TNC: variants seen among roughly 807,000 people sequenced by gnomAD.
TNC encodes the protein tenascin.
In TNC, 109 loss-of-function variants were observed where a neutral mutation model predicts 202.4. The ratio of observed to expected loss-of-function variants is 0.54; its 90% CI spans 0.46 to 0.63. TNC has a LOEUF of 0.63. Among genes scored for constraint, TNC ranks in the 30% least tolerant of loss-of-function variants. The pLI, the probability that TNC is intolerant of heterozygous loss-of-function variation, is 0.00. For missense variants in TNC, 2,756 were observed against 2,833.3 expected (o/e 0.97, Z 0.62); for synonymous variants, 1,007 against 1,089.7 (o/e 0.92, Z 1.50).
Position 115,076,593 on chromosome 9 carries a change from C to G in TNC, c.2675-18G>C. ...ATCGAGGCCTGTTTGAGAGAAGGAA[C>G]ATTTGTATTGAACATATCAGTCACA... On this transcript the variant is annotated intron_variant, in intron 7 of 27. Coordinates refer to ENST00000350763, the MANE Select transcript of TNC (RefSeq NM_002160.4). The G allele has an allele frequency of 4.3e-6, 7 of 1,613,042 alleles. No individual in the cohort carries two copies. The highest frequency in any genetic ancestry group is 5.9e-6 in the Non-Finnish European group (7 of 1,179,412).
chr9:115,035,885 G>C (rs916521577), intron 21 of TNC: 1 of 537,314 alleles, frequency 1.9e-6, no homozygotes, highest in African/African-American at 1.9e-5. Flanking sequence ...CCTTCCCCGT[G>C]GGGAGACCAA....
Position 115,084,405 on chromosome 9 carries a change from ATTGT to A in TNC, c.1931_1934del (p.Asp644ValfsTer74). The A allele has an allele frequency of 1.2e-6, 2 of 1,612,528 alleles. No individual in the cohort carries two copies. Among genetic ancestry groups the A allele is most frequent in the Non-Finnish European group, 1.7e-6 (2 of 1,178,670 alleles). On this transcript the variant is annotated frameshift_variant, in exon 4 of 28. Transcript: ENST00000350763. LOFTEE classifies it high-confidence loss of function. The stretch of plus-strand genomic sequence containing the variant: ...CAAGGTACTCTGTGACCCGCATCTC[ATTGT>A]CCCAGGCCAGGTTGACCGTCTCTTC...
chr9:115,066,987 C>T (rs192408658), intron 10 of TNC, among the ~76,000 whole-genome samples: 5 of 152,158 alleles, frequency 3.3e-5, no homozygotes, highest in African/African-American at 7.2e-5. Context: ...TCTTTAACCC[C>T]GACTCATATC....
intron 10 of TNC, among the ~76,000 whole-genome samples, chr9:115,069,362 G>C (rs1206060360): frequency 6.6e-6 from 1 of 151,874 alleles, no homozygotes; most frequent in Non-Finnish European, 1.5e-5. Context: ...CTTAAGCAGG[G>C]TTTAGTTGGG....
chr9:115,038,538 CT>C (rs1166882360), intron 19 of TNC, among the ~76,000 whole-genome samples, 158 bp from the exon 20 acceptor site: 2 of 152,202 alleles, frequency 1.3e-5, no homozygotes, highest in Non-Finnish European at 2.9e-5. Flanking sequence ...CCTGACCTGG[CT>C]TTGAGTAATG....
chr9:115,110,336 C>T (rs1170764300), intron 1 of TNC, among the ~76,000 whole-genome samples: 1 of 152,040 alleles, frequency 6.6e-6, no homozygotes, highest in Admixed American at 6.5e-5. Flanking sequence ...GACTTTTTTG[C>T]AGGCAGAAGA....
At chr9:115,104,489 C>T (rs937916669) in intron 1 of TNC, among the ~76,000 whole-genome samples, 2 of 152,166 alleles carry the variant, frequency 1.3e-5, no homozygotes, top group African/African-American at 4.8e-5. Context: ...GGGGCATTGC[C>T]TTTAGAGTCA....
intron 1 of TNC, among the ~76,000 whole-genome samples, chr9:115,112,178 T>G (rs1174152085): frequency 6.6e-6 from 1 of 152,224 alleles, no homozygotes; most frequent in Non-Finnish European, 1.5e-5. Context: ...CTTTTAAGAT[T>G]GTCCCTGGCT....
intron 20 of TNC, among the ~76,000 whole-genome samples, chr9:115,036,608 A>G (rs1275606195): frequency 1.3e-5 from 2 of 152,062 alleles, no homozygotes; most frequent in African/African-American, 4.8e-5. Flanking sequence ...ATTTGTCCTG[A>G]TGCATGCTCT....
chr9:115,072,616 C>T (rs1478378372), intron 10 of TNC, among the ~76,000 whole-genome samples: 2 of 152,152 alleles, frequency 1.3e-5, no homozygotes, highest in African/African-American at 4.8e-5. Flanking sequence ...CTCTTTTTCT[C>T]GAGTTCTGTC....
chr9:115,100,832 C>T (rs934585721), intron 1 of TNC, among the ~76,000 whole-genome samples: 7 of 152,138 alleles, frequency 4.6e-5, no homozygotes, highest in South Asian at 4.1e-4. Flanking sequence ...TAAATTATCA[C>T]GTTGTATACC....
chr9:115,043,252 C>A (rs1003855782), intron 17 of TNC, among the ~76,000 whole-genome samples: 1 of 152,120 alleles, frequency 6.6e-6, no homozygotes, highest in African/African-American at 2.4e-5. Flanking sequence ...ATGCTGAAAC[C>A]CACAGAAATT....
intron 17 of TNC, among the ~76,000 whole-genome samples, chr9:115,044,248 A>T (rs1340838135): frequency 1.4e-5 from 2 of 146,676 alleles, no homozygotes; most frequent in Non-Finnish European, 3.0e-5. Flanking sequence ...GGAAGAGAGG[A>T]GAGGAGAAAG....
rs182912512 is a variant in TNC at position 115,101,642 on chromosome 9, A to G, written c.-136-10488T>C. Among the ~76,000 whole-genome samples the G allele has an allele frequency of 5.3e-5, 8 of 152,344 alleles. No homozygotes were observed. The East Asian group carries it at 1.5e-3, about 29-fold the overall frequency. On this transcript the variant is annotated intron_variant, in intron 1 of 27. Transcript: ENST00000350763. ...GTATAAATGTTAACATTCTTTCAAG[A>G]GCGAAATGCTATTTACTTAGTATGG...
At chr9:115,082,915 T>TGACAACCAGAGCA (rs1343988020) in intron 4 of TNC, 108 bp from the exon 5 acceptor site, 145 of 731,204 alleles carry the variant, frequency 2.0e-4, no homozygotes, top group Middle Eastern at 1.4e-3. Flanking sequence ...AGTCAGGGGC[T>TGACAACCAGAGCA]GACAACCAGA....
chr9:115,026,074 A>G (rs1829454570), intron 26 of TNC, among the ~76,000 whole-genome samples: 1 of 152,206 alleles, frequency 6.6e-6, no homozygotes, highest in Non-Finnish European at 1.5e-5. Flanking sequence ...TGGCATCACC[A>G]GGGAACTTGG....
intron 9 of TNC, 117 bp downstream of exon 9, chr9:115,075,915 G>A (rs1298381750): frequency 1.2e-6 from 1 of 832,794 alleles, no homozygotes; most frequent in Admixed American, 1.9e-5. Flanking sequence ...TGGTACTACA[G>A]GGCCCTTTTT....
intron 1 of TNC, among the ~76,000 whole-genome samples, chr9:115,114,125 C>T (rs1837280199): frequency 6.6e-6 from 1 of 152,190 alleles, no homozygotes; most frequent in Non-Finnish European, 1.5e-5. Context: ...CTGGTCATGT[C>T]ACACTTTGAG....
chr9:115,078,868 G>A (rs985248852), intron 6 of TNC, among the ~76,000 whole-genome samples: 65 of 152,248 alleles, frequency 4.3e-4, no homozygotes, highest in African/African-American at 1.4e-3. Flanking sequence ...GTTGGGCACC[G>A]CCTGGTCTCT....
Sources: gnomAD v4.1 joint callset for allele counts (sites outside exome capture counted in the v4.1 genomes callset) on GRCh38, gnomAD v4.1.1 for gene constraint, MANE v1.5 for transcripts, NCBI Gene and HGNC (gene_info 2026-07-23, HGNC 2026-07-21) for gene names.